FBXL17: variants seen among roughly 807,000 people sequenced by gnomAD.
FBXL17 encodes F-box/LRR-repeat protein 17.
In FBXL17, 22 loss-of-function variants were observed where a neutral mutation model predicts 66.2. The observed-to-expected ratio is 0.33, with a 90% CI of 0.24 to 0.47. FBXL17 has a LOEUF of 0.47. Ranked by LOEUF, FBXL17 falls within the 20% of genes least tolerant of loss-of-function variation. The pLI is 1.00. For synonymous variants in FBXL17, 474 were observed against 400.5 expected, an observed-to-expected ratio of 1.18 and a Z score of -2.19; for missense variants, 878 against 948.2, an observed-to-expected ratio of 0.93 and a Z score of 0.97.
chr5:107,990,457 T>C (rs1264010503), intron 7 of FBXL17, among the ~76,000 whole-genome samples: 2 of 152,134 alleles, frequency 1.3e-5, no homozygotes, highest in African/African-American at 4.8e-5. Flanking sequence ...AACTCTGGAG[T>C]TGGTCTCTGT....
Position 108,381,974 on chromosome 5 carries a change from C to G in FBXL17, c.-283G>C. The G allele has an allele frequency of 2.5e-6, 3 of 1,219,608 alleles. No individual in the cohort carries two copies. The highest frequency in any genetic ancestry group is 2.0e-6 in the Non-Finnish European group (2 of 977,446). 75.5% of individuals were successfully genotyped at this position (1,219,608 alleles called of 1,614,324 possible). A position where few individuals can be genotyped will look rare whatever the true frequency, so the allele number is the denominator to read the frequency against. On this transcript the variant is annotated 5_prime_UTR_variant, in exon 1 of 9. Coordinates refer to ENST00000542267, the MANE Select transcript of FBXL17 (RefSeq NM_001163315.3). ...GGGAGGGAGCGAGCGAGCCTGCCGG[C>G]TAGGCGACCAGTCCGGGCCCGGCCA...
At chr5:108,267,261 T>C (rs895619904) in intron 4 of FBXL17, among the ~76,000 whole-genome samples, 1 of 152,078 alleles carries the variant, frequency 6.6e-6, no homozygotes, top group Non-Finnish European at 1.5e-5. Flanking sequence ...TTATCAAATC[T>C]TTGTATATTT....
At chr5:107,975,842 G>GGTT (rs770009505) in intron 7 of FBXL17, among the ~76,000 whole-genome samples, 8 of 84,280 alleles carry the variant, frequency 9.5e-5, no homozygotes, top group South Asian at 4.3e-4. Flanking sequence ...TAATTAGAGG[G>GGTT]TTTTTGTTGT....
At chr5:108,306,998 C>T (rs1052816329) in intron 4 of FBXL17, among the ~76,000 whole-genome samples, 8 of 151,900 alleles carry the variant, frequency 5.3e-5, no homozygotes, top group Non-Finnish European at 1.0e-4. Context: ...TTATGATATA[C>T]ATTATCTTTA....
chr5:108,380,992 C>G lies in FBXL17; in HGVS notation c.700G>C (p.Gly234Arg), dbSNP rs1749841158. Residue 234 changes from glycine to arginine, a missense_variant, in exon 1 of 9, where the codon GGG (glycine) becomes CGG (arginine). Gly to Arg is a moderately radical substitution (Grantham distance 125). Transcript: ENST00000542267. ...GGGGGGGGPA[G>R]GGASPPRPPD... ...GGCCGGGGCGGCGAAGCGCCTCCCC[C>G]CGCAGGCCCTCCCCCGCCACCGCCG... is the stretch of plus-strand genomic sequence containing the variant. The G allele has an allele frequency of 6.6e-6, 8 of 1,209,116 alleles. No individual in the cohort carries two copies. Among genetic ancestry groups the G allele is most frequent in the Non-Finnish European group, 8.2e-6 (8 of 973,278 alleles). 74.9% of individuals were successfully genotyped at this position (1,209,116 alleles called of 1,614,324 possible).
intron 7 of FBXL17, among the ~76,000 whole-genome samples, chr5:107,885,232 TA>T (rs1469447591): frequency 6.6e-6 from 1 of 152,204 alleles, no homozygotes; most frequent in Non-Finnish European, 1.5e-5. Context: ...TGAAGAAAGT[TA>T]AATTTTAAAA....
In FBXL17 at chr5:108,156,683, T is replaced by C. The variant is rs1752009865; in HGVS notation, c.1745+29434A>G. ...ATAAATAAGTTTTCATCTTATTTCA[T>C]AAAAGCAAGTTTCAGGAATCACTTT... On this transcript the variant is annotated intron_variant, in intron 6 of 8. Coordinates refer to ENST00000542267, the MANE Select transcript of FBXL17 (RefSeq NM_001163315.3). 2.6e-5 allele frequency among the ~76,000 whole-genome samples: 4 copies of C among 152,080 alleles called. No homozygotes were observed. In the South Asian group the frequency reaches 8.3e-4, roughly 32 times the overall value.
chr5:107,889,537 T>A lies in FBXL17; in HGVS notation c.1823-8358A>T, dbSNP rs141908520. ...GGGCATTCGTTTTATATAACTCTGCTTACTGAATTCAGAAGAGCAACACGT... is the reference window on the plus strand; with the variant it reads ...GGGCATTCGTTTTATATAACTCTGCATACTGAATTCAGAAGAGCAACACGT... On this transcript the variant is annotated intron_variant, in intron 7 of 8. Transcript: ENST00000542267. 6.1e-4 allele frequency among the ~76,000 whole-genome samples: 93 copies of A among 152,292 alleles called. 1 individual carries two copies. The East Asian group carries it at 0.01, about 16-fold the overall frequency.
chr5:108,010,195 G>A (rs530523021), intron 7 of FBXL17, among the ~76,000 whole-genome samples: 1 of 152,264 alleles, frequency 6.6e-6, no homozygotes, highest in South Asian at 2.1e-4. Flanking sequence ...ATACAGTTTT[G>A]AACACTTTTC....
At chr5:108,371,337 T>C (rs1749026180) in intron 1 of FBXL17, among the ~76,000 whole-genome samples, 1 of 152,146 alleles carries the variant, frequency 6.6e-6, no homozygotes, top group Non-Finnish European at 1.5e-5. Context: ...GCAGCCCCAG[T>C]CATGCAAAAC....
intron 4 of FBXL17, chr5:108,299,290 T>G (rs1376977664): frequency 2.0e-6 from 2 of 984,782 alleles, no homozygotes; most frequent in Non-Finnish European, 2.4e-6. Context: ...ATTTCCAAAT[T>G]AAACCTGAGG....
chr5:107,889,525 A>C (rs1297235243), intron 7 of FBXL17, among the ~76,000 whole-genome samples: 1 of 152,204 alleles, frequency 6.6e-6, no homozygotes, highest in Non-Finnish European at 1.5e-5. Context: ...CATTCGTTTT[A>C]TATAACTCTG....
chr5:108,069,238 T>A (rs761148566), intron 6 of FBXL17, among the ~76,000 whole-genome samples: 7 of 152,202 alleles, frequency 4.6e-5, no homozygotes, highest in Non-Finnish European at 8.8e-5. Context: ...ATAATATCAT[T>A]TGTTTTCCCC....
chr5:108,113,992 T>A (rs1364422085), intron 6 of FBXL17, among the ~76,000 whole-genome samples: 2 of 152,210 alleles, frequency 1.3e-5, no homozygotes, highest in Non-Finnish European at 2.9e-5. Flanking sequence ...AGAACAAATG[T>A]ATAATTATTA....
chr5:108,336,296 C>A (rs1760380270), intron 4 of FBXL17, among the ~76,000 whole-genome samples: 1 of 152,150 alleles, frequency 6.6e-6, no homozygotes, highest in African/African-American at 2.4e-5. Context: ...CTGCCTGATG[C>A]ATTTTATTGG....
At chr5:108,060,450 G>A (rs1229815018) in intron 6 of FBXL17, among the ~76,000 whole-genome samples, 1 of 152,118 alleles carries the variant, frequency 6.6e-6, no homozygotes, top group Non-Finnish European at 1.5e-5. Flanking sequence ...GGGACATATA[G>A]CACTTTTTGA....
intron 4 of FBXL17, among the ~76,000 whole-genome samples, chr5:108,334,696 A>T (rs1760293463): frequency 6.6e-6 from 1 of 152,216 alleles, no homozygotes; most frequent in Admixed American, 6.5e-5. Context: ...TATAAAATAC[A>T]TATTCAACAA....
chr5:108,209,930 C>T (rs1754293118), intron 5 of FBXL17, among the ~76,000 whole-genome samples: 1 of 152,112 alleles, frequency 6.6e-6, no homozygotes, highest in Non-Finnish European at 1.5e-5. Context: ...GCTGTGAATC[C>T]GTCTGGTCCC....
At position 108,228,935 on chromosome 5, in the gene FBXL17, T is replaced by C. The variant is rs543283215; in HGVS notation, c.1507-4707A>G. Among the ~76,000 whole-genome samples the C allele has an allele frequency of 2.0e-5, 3 of 152,202 alleles. No homozygotes were observed. The South Asian group carries it at 6.2e-4, about 31-fold the overall frequency. On this transcript the variant is annotated intron_variant, in intron 4 of 8. Transcript: ENST00000542267. ...CAAAGAAGATTTCTAATTTAATTTG[T>C]TGGGTACAGCTCTGCAGCAATTTTA...
Sources: gnomAD v4.1 joint callset for allele counts (sites outside exome capture counted in the v4.1 genomes callset) on GRCh38, gnomAD v4.1.1 for gene constraint, MANE v1.5 for transcripts, NCBI Gene and HGNC (gene_info 2026-07-23, HGNC 2026-07-21) for gene names.